HAP1: variants seen among roughly 807,000 people sequenced by gnomAD.
The protein encoded by HAP1 is huntingtin-associated protein 1.
In HAP1, 59 loss-of-function variants were observed where a neutral mutation model predicts 60.3. The observed-to-expected ratio is 0.98, with a 90% CI of 0.79 to 1.22. The LOEUF (loss-of-function observed/expected upper bound fraction) is 1.22, where lower values mean the gene tolerates loss of function less well. HAP1 is among the 50% of genes most tolerant of loss of function. HAP1 has a pLI of 0.00. For synonymous variants in HAP1, 346 were observed against 330.6 expected (o/e 1.05, Z -0.50); for missense variants, 825 against 785.3 (o/e 1.05, Z -0.60).
chr17:41,725,231 C>T (rs41314646), intron 10 of HAP1, 77 bp from the exon 11 acceptor site: 175,042 of 1,224,112 alleles, frequency 0.14, 14,390 homozygotes, highest in Middle Eastern at 0.23. Context: ...CGTCTCCACA[C>T]AGATCCTGAT....
At chr17:41,727,457 C>A in intron 8 of HAP1, 1 of 777,972 alleles carries the variant, frequency 1.3e-6, no homozygotes, top group Non-Finnish European at 2.4e-6. Context: ...ACACGCTCTG[C>A]TGGGACCCAG....
chr17:41,728,567 T>C (rs1344109037), intron 6 of HAP1, among the ~76,000 whole-genome samples: 2 of 152,034 alleles, frequency 1.3e-5, no homozygotes, highest in Non-Finnish European at 2.9e-5. Flanking sequence ...TGAGGTAAAG[T>C]TGGTGGGGAG....
At chr17:41,727,327 C>T (rs782615991) in intron 8 of HAP1, 183 bp from the exon 9 acceptor site, 5 of 780,790 alleles carry the variant, frequency 6.4e-6, no homozygotes, top group South Asian at 2.7e-5. Flanking sequence ...TAATGGGTGG[C>T]AGACCCAGTG....
chr17:41,731,218 C>T (rs1438162230), intron 6 of HAP1, among the ~76,000 whole-genome samples: 1 of 152,096 alleles, frequency 6.6e-6, no homozygotes, highest in Non-Finnish European at 1.5e-5. Flanking sequence ...GCCTGAGACC[C>T]ACAATTTCTG....
intron 9 of HAP1, among the ~76,000 whole-genome samples, chr17:41,726,400 T>A (rs1555588813): frequency 3.1e-5 from 2 of 63,852 alleles, no homozygotes; most frequent in East Asian, 5.2e-4. Context: ...CAAGACTCCA[T>A]CTCAAAAAAC....
chr17:41,727,264 G>T (rs782737516), intron 8 of HAP1, 120 bp from the exon 9 acceptor site: 1 of 786,940 alleles, frequency 1.3e-6, no homozygotes, highest in Non-Finnish European at 2.4e-6. Context: ...AGGCACAGAC[G>T]TAGGAAAGTG....
At chr17:41,729,610 T>C (rs1216191201) in intron 6 of HAP1, among the ~76,000 whole-genome samples, 4 of 131,470 alleles carry the variant, frequency 3.0e-5, no homozygotes, top group Admixed American at 8.1e-5. Flanking sequence ...GCGTGGTGGC[T>C]CACACCTGTA....
At chr17:41,726,729 G>A (rs1911665236) in intron 9 of HAP1, among the ~76,000 whole-genome samples, 1 of 152,096 alleles carries the variant, frequency 6.6e-6, no homozygotes, top group Non-Finnish European at 1.5e-5. Context: ...CGGGCGTGAT[G>A]GCACATGCCT....
rs782082996 is a variant in HAP1, at chr17:41,724,754, G to A, written c.1807C>T (p.His603Tyr). The change falls in exon 11 of 11, where the codon CAC (histidine) becomes TAC (tyrosine). Residue 603 changes from histidine to tyrosine, a missense_variant. Coordinates refer to ENST00000347901, the MANE Select transcript of HAP1 (RefSeq NM_177977.3). ...WKMLQKGECPHGALPAASRTS... is the reference protein window; with the variant it reads ...WKMLQKGECPYGALPAASRTS... ...CGGCTGGCGGCAGGGAGGGCCCCGT[G>A]GGGGCACTCACCTTTCTGGAGCATC... is the stretch of plus-strand genomic sequence containing the variant. 1.9e-6 allele frequency: 3 copies of A among 1,602,146 alleles called. No homozygotes were observed. The highest frequency in any genetic ancestry group is 2.2e-5 in the South Asian group (2 of 90,904).
At chr17:41,727,264 G>A (rs782737516) in intron 8 of HAP1, 120 bp from the exon 9 acceptor site, 12 of 786,940 alleles carry the variant, frequency 1.5e-5, no homozygotes, top group Admixed American at 1.7e-5. Flanking sequence ...AGGCACAGAC[G>A]TAGGAAAGTG....
chr17:41,725,747 C>A, intron 10 of HAP1, 112 bp downstream of exon 10: 3 of 823,688 alleles, frequency 3.6e-6, no homozygotes, highest in Non-Finnish European at 6.4e-6. Flanking sequence ...TTCAGCCAGC[C>A]GAGATAGCAG....
chr17:41,720,940 C>CA (rs1486686560), downstream of HAP1: 7 of 152,136 alleles, frequency 4.6e-5, no homozygotes, highest in Admixed American at 4.6e-4. Context: ...GCTGGGATTA[C>CA]AGGCATGTGT....
At chr17:41,725,196 C>T in intron 10 of HAP1, 42 bp from the exon 11 acceptor site, 1 of 1,502,004 alleles carries the variant, frequency 6.7e-7, no homozygotes, top group Non-Finnish European at 9.0e-7. Flanking sequence ...GCTGGAAAGT[C>T]CAACCCCCCA....
downstream of HAP1, among the ~76,000 whole-genome samples, chr17:41,719,208 G>A (rs537974380): frequency 6.4e-4 from 97 of 152,036 alleles, no homozygotes; most frequent in Non-Finnish European, 5.3e-4. Context: ...CTGAACTCCT[G>A]ACCCCGTGAT....
At chr17:41,721,550 G>T, downstream of HAP1, 1 of 198,288 alleles carries the variant, frequency 5.0e-6, no homozygotes, top group Non-Finnish European at 1.1e-5. Flanking sequence ...TTTCCCCCAT[G>T]TCTGGTTTGT....
Position 41,724,854 on chromosome 17 carries a change from G to A in HAP1, c.1707C>T (p.His569=), listed in dbSNP as rs375553982. The change falls in exon 11 of 11, where the codon CAC becomes CAT. Residue 569 remains histidine, a synonymous_variant. Transcript: ENST00000347901. ...ALEASGLGPS[H]LDMNYVLQQL... is the part of the protein sequence containing the mutation. ...GCTGGAGGACATAATTCATGTCCAG[G>A]TGTGAAGGGCCCAAGCCGCTGGCCT... 2 of 1,613,512 alleles carry A rather than the reference G, an allele frequency of 1.2e-6. No homozygotes were observed. The highest frequency in any genetic ancestry group is 1.7e-6 in the Non-Finnish European group (2 of 1,179,972).
At chr17:41,719,355 T>C (rs782433898), downstream of HAP1, among the ~76,000 whole-genome samples, 6 of 152,134 alleles carry the variant, frequency 3.9e-5, no homozygotes, top group South Asian at 2.1e-4. Context: ...ATTTTATGTA[T>C]TCAGAGAGAC....
At chr17:41,721,656 C>G (rs1438205918), downstream of HAP1, 2 of 153,266 alleles carry the variant, frequency 1.3e-5, no homozygotes, top group Non-Finnish European at 2.9e-5. Flanking sequence ...CAACCTCAAC[C>G]TTCCAAGCTC....
chr17:41,727,823 G>C lies in HAP1; in HGVS notation c.1214C>G (p.Thr405Ser). The C allele has an allele frequency of 6.2e-7, 1 of 1,607,778 alleles. No individual in the cohort carries two copies. Among genetic ancestry groups the C allele is most frequent in the Non-Finnish European group, 8.5e-7 (1 of 1,174,830 alleles). Residue 405 changes from threonine (T) to serine (S), a missense_variant, in exon 8 of 11, where the codon ACT (threonine) becomes AGT (serine). Transcript: ENST00000347901. ...QQRCRMYGAE[T>S]EKLQKQLASE... ...AGCCAGCTGCTTCTGCAACTTTTCA[G>C]TCTCAGCCCCATACTGGAAGGACCC...
Sources: allele counts gnomAD v4.1 joint callset (sites outside exome capture counted in the v4.1 genomes callset), GRCh38; gene constraint gnomAD v4.1.1; transcripts MANE v1.5; gene names NCBI Gene and HGNC (gene_info 2026-07-23, HGNC 2026-07-21).